The following EXOC6B variants were observed in gnomAD, a reference collection of about 807,000 sequenced individuals.
The protein encoded by EXOC6B is SEC15 homolog B.
In EXOC6B, 54 loss-of-function variants were observed where a neutral mutation model predicts 113.5. The ratio of observed to expected loss-of-function variants is 0.48; its 90% CI spans 0.38 to 0.60. EXOC6B has a LOEUF of 0.60. Among genes scored for constraint, EXOC6B ranks in the 20% least tolerant of loss-of-function variants. EXOC6B has a pLI of 0.00. For synonymous variants in EXOC6B, 357 were observed against 339.0 expected (o/e 1.05, Z -0.58); for missense variants, 797 against 977.5 (o/e 0.82, Z 2.46).
rs191904825 is a variant in EXOC6B, at chr2:72,200,620, G to A, written c.2197-16433C>T. 2.4e-3 allele frequency among the ~76,000 whole-genome samples: 362 copies of A among 152,248 alleles called. 1 individual carries two copies. Among genetic ancestry groups the A allele is most frequent in the African/African-American group, 8.1e-3 (337 of 41,536 alleles). On this transcript the variant is annotated intron_variant, in intron 20 of 21. Coordinates refer to ENST00000272427, the MANE Select transcript of EXOC6B (RefSeq NM_015189.3). ...TACTATTATTTCATCTTGCACAGGA[G>A]GAAACTGAGGTCTGGAAAGATTCAT...
chr2:72,608,280 G>T (rs1670869329), intron 6 of EXOC6B, among the ~76,000 whole-genome samples: 1 of 152,096 alleles, frequency 6.6e-6, no homozygotes, highest in Non-Finnish European at 1.5e-5. Flanking sequence ...GTAAACAGAG[G>T]CAAGTTTCAA....
At chr2:72,556,052 G>A (rs989308018) in intron 8 of EXOC6B, among the ~76,000 whole-genome samples, 4 of 152,174 alleles carry the variant, frequency 2.6e-5, no homozygotes, top group African/African-American at 9.7e-5. Flanking sequence ...TGAAGACAAG[G>A]CACAATCAAA....
chr2:72,614,097 C>T (rs1424809011), intron 6 of EXOC6B, among the ~76,000 whole-genome samples: 1 of 152,036 alleles, frequency 6.6e-6, no homozygotes, highest in South Asian at 2.1e-4. Flanking sequence ...TCTATCTGGC[C>T]GTTTATGGAA....
intron 20 of EXOC6B, among the ~76,000 whole-genome samples, chr2:72,286,191 C>T (rs933619585): frequency 6.6e-6 from 1 of 152,138 alleles, no homozygotes; most frequent in African/African-American, 2.4e-5. Context: ...AAAATCTGCA[C>T]ATGAATGTTT....
At chr2:72,675,136 C>T (rs1332354678) in intron 6 of EXOC6B, among the ~76,000 whole-genome samples, 2 of 152,342 alleles carry the variant, frequency 1.3e-5, no homozygotes, top group South Asian at 2.1e-4. Flanking sequence ...CAAAACAGTA[C>T]ACTCCAGAGG....
At chr2:72,288,100 T>C (rs1222300492) in intron 20 of EXOC6B, among the ~76,000 whole-genome samples, 1 of 152,132 alleles carries the variant, frequency 6.6e-6, no homozygotes, top group Admixed American at 6.5e-5. Context: ...ATCATTAGTA[T>C]TAGGGAAATA....
chr2:72,384,064 G>T (rs775147313), intron 18 of EXOC6B, among the ~76,000 whole-genome samples: 24 of 151,986 alleles, frequency 1.6e-4, no homozygotes, highest in Middle Eastern at 3.2e-3. Flanking sequence ...CTTAATACCT[G>T]GGTGATGACA....
intron 20 of EXOC6B, among the ~76,000 whole-genome samples, chr2:72,308,079 T>C (rs941002091): frequency 3.3e-5 from 5 of 152,190 alleles, no homozygotes; most frequent in African/African-American, 1.2e-4. Context: ...ATTATATAAT[T>C]GAATAGGTAA....
intron 5 of EXOC6B, among the ~76,000 whole-genome samples, chr2:72,723,556 A>T (rs1680131810): frequency 6.6e-6 from 1 of 152,184 alleles, no homozygotes; most frequent in Admixed American, 6.5e-5. Context: ...GAAATTTTTT[A>T]AAATTCAGAG....
chr2:72,277,127 A>C (rs1470963836), intron 20 of EXOC6B, among the ~76,000 whole-genome samples: 4 of 152,162 alleles, frequency 2.6e-5, no homozygotes, highest in African/African-American at 9.7e-5. Context: ...TAAAGCATTT[A>C]GTTAAGTGCC....
At chr2:72,564,224 C>T (rs1418405728) in intron 7 of EXOC6B, among the ~76,000 whole-genome samples, 1 of 152,046 alleles carries the variant, frequency 6.6e-6, no homozygotes, top group Non-Finnish European at 1.5e-5. Flanking sequence ...ACACTCCAGC[C>T]CTATTGTTCC....
intron 6 of EXOC6B, among the ~76,000 whole-genome samples, chr2:72,632,752 G>T (rs937892296): frequency 6.6e-6 from 1 of 151,882 alleles, no homozygotes; most frequent in Non-Finnish European, 1.5e-5. Flanking sequence ...CACAATCATG[G>T]CTCAGTGCAG....
intron 18 of EXOC6B, among the ~76,000 whole-genome samples, chr2:72,426,536 T>G (rs1695204087): frequency 6.6e-6 from 1 of 152,212 alleles, no homozygotes. Flanking sequence ...TTGTTATGAT[T>G]AGTGTGCTTG....
intron 20 of EXOC6B, among the ~76,000 whole-genome samples, chr2:72,242,933 C>T (rs1682411688): frequency 6.6e-6 from 1 of 152,086 alleles, no homozygotes; most frequent in Non-Finnish European, 1.5e-5. Context: ...TGGGGTCTCA[C>T]TGTGTTGCCC....
chr2:72,189,439 A>C (rs1678668976), intron 20 of EXOC6B, among the ~76,000 whole-genome samples: 1 of 152,134 alleles, frequency 6.6e-6, no homozygotes, highest in Non-Finnish European at 1.5e-5. Context: ...GGTGATATTA[A>C]TTTTGATCAC....
At chr2:72,748,836 A>C (rs1412789221) in intron 1 of EXOC6B, among the ~76,000 whole-genome samples, 5 of 152,012 alleles carry the variant, frequency 3.3e-5, no homozygotes, top group African/African-American at 9.7e-5. Flanking sequence ...ATACCACAGG[A>C]AAGTGGAGAA....
At chr2:72,188,145 T>C (rs62150121) in intron 20 of EXOC6B, among the ~76,000 whole-genome samples, 4,018 of 152,144 alleles carry the variant, frequency 0.026, 78 homozygotes, top group Non-Finnish European at 0.041. Context: ...CCCAGGAGGG[T>C]AGGGCTCTTG....
intron 20 of EXOC6B, among the ~76,000 whole-genome samples, chr2:72,226,985 T>C (rs533404936): frequency 7.4e-4 from 112 of 152,258 alleles, no homozygotes; most frequent in African/African-American, 2.4e-3. Context: ...AACCACTATA[T>C]AAAACCAAAA....
chr2:72,488,646 C>G (rs1573237923), intron 16 of EXOC6B, among the ~76,000 whole-genome samples: 1 of 152,074 alleles, frequency 6.6e-6, no homozygotes, highest in African/African-American at 2.4e-5. Context: ...TTACTTTCAA[C>G]TCTTCACTTT....
Sources: gnomAD v4.1 joint callset for allele counts (sites outside exome capture counted in the v4.1 genomes callset) on GRCh38, gnomAD v4.1.1 for gene constraint, MANE v1.5 for transcripts, NCBI Gene and HGNC (gene_info 2026-07-23, HGNC 2026-07-21) for gene names.